Variants in ATE1 observed in about 807,000 individuals in gnomAD.
ATE1 encodes the protein arginyl-tRNA--protein transferase 1.
ATE1 carries 36 observed loss-of-function variants against 70.5 expected under a neutral mutation model. The observed-to-expected ratio is 0.51, with a 90% CI of 0.39 to 0.67. ATE1 has a LOEUF of 0.67. Among genes scored for constraint, ATE1 ranks in the 30% least tolerant of loss-of-function variants. The pLI, the probability that ATE1 is intolerant of heterozygous loss-of-function variation, is 0.00. For synonymous variants in ATE1, 232 were observed against 219.3 expected (o/e 1.06, Z -0.51); for missense variants, 593 against 629.5 (o/e 0.94, Z 0.62).
intron 11 of ATE1, among the ~76,000 whole-genome samples, chr10:121,765,116 G>A (rs1283277460): frequency 1.3e-5 from 2 of 152,136 alleles, no homozygotes; most frequent in African/African-American, 2.4e-5. Flanking sequence ...AGAACAGGGA[G>A]GTCGCTGGCA....
intron 5 of ATE1, among the ~76,000 whole-genome samples, 169 bp from the exon 6 acceptor site, chr10:121,902,789 TCTAC>T (rs1466243662): frequency 6.6e-6 from 1 of 152,178 alleles, no homozygotes; most frequent in African/African-American, 2.4e-5. Flanking sequence ...GATCTAAAAT[TCTAC>T]CTTAGAAGTG....
At chr10:121,761,166 C>G (rs1408786405) in intron 11 of ATE1, among the ~76,000 whole-genome samples, 1 of 152,126 alleles carries the variant, frequency 6.6e-6, no homozygotes, top group Non-Finnish European at 1.5e-5. Context: ...TGGGTGGGAG[C>G]AGCTTGAGGC....
chr10:121,925,027 A>C (rs547386723), intron 1 of ATE1, among the ~76,000 whole-genome samples: 16 of 152,228 alleles, frequency 1.1e-4, no homozygotes, highest in Non-Finnish European at 1.6e-4. Context: ...TGTGCTTATT[A>C]GTTCTCCTGA....
chr10:121,893,167 C>T (rs1950639890), intron 7 of ATE1, among the ~76,000 whole-genome samples: 1 of 151,520 alleles, frequency 6.6e-6, no homozygotes, highest in Non-Finnish European at 1.5e-5. Flanking sequence ...GTCCCAGCTA[C>T]TCGGGAGGCT....
At chr10:121,928,079 G>C (rs1250177966), upstream of ATE1, 2 of 1,206,196 alleles carry the variant, frequency 1.7e-6, no homozygotes, top group South Asian at 8.1e-5. Context: ...GGCGCCCGCA[G>C]GCCCGGCCGG....
intron 9 of ATE1, among the ~76,000 whole-genome samples, chr10:121,838,116 G>A (rs1225206163): frequency 6.6e-6 from 1 of 152,096 alleles, no homozygotes; most frequent in Non-Finnish European, 1.5e-5. Flanking sequence ...GCCCTTGGAT[G>A]ACTGCAGCAG....
intron 11 of ATE1, among the ~76,000 whole-genome samples, chr10:121,748,722 T>A (rs967881597): frequency 1.3e-5 from 2 of 152,110 alleles, no homozygotes; most frequent in Non-Finnish European, 2.9e-5. Context: ...AAATCCATAA[T>A]AAAGTATCTT....
chr10:121,807,693 G>A (rs1947152824), intron 10 of ATE1, among the ~76,000 whole-genome samples: 1 of 152,184 alleles, frequency 6.6e-6, no homozygotes, highest in South Asian at 2.1e-4. Context: ...GCAAAAGAGT[G>A]GGTGAGTGGC....
At chr10:121,898,681 A>C (rs1371957148) in intron 7 of ATE1, among the ~76,000 whole-genome samples, 2 of 152,098 alleles carry the variant, frequency 1.3e-5, no homozygotes, top group Non-Finnish European at 2.9e-5. Context: ...CCTTTTTTCT[A>C]AGGATTTAAA....
intron 7 of ATE1, among the ~76,000 whole-genome samples, chr10:121,889,903 A>G (rs755682314): frequency 1.3e-5 from 2 of 152,210 alleles, no homozygotes; most frequent in Non-Finnish European, 2.9e-5. Flanking sequence ...GTTTTTAAAG[A>G]GTAAATATTG....
chr10:121,822,664 T>A (rs10886992), intron 10 of ATE1, among the ~76,000 whole-genome samples: 2 of 152,060 alleles, frequency 1.3e-5, no homozygotes, highest in African/African-American at 4.8e-5. Flanking sequence ...TCGTACCACA[T>A]CTTCCGTGCA....
At chr10:121,788,592 C>T (rs763172026) in intron 11 of ATE1, among the ~76,000 whole-genome samples, 1 of 152,196 alleles carries the variant, frequency 6.6e-6, no homozygotes, top group Non-Finnish European at 1.5e-5. Context: ...GAAGTTACTG[C>T]GTCCCTTTCC....
At chr10:121,744,574 A>G (rs190670625) in intron 11 of ATE1, among the ~76,000 whole-genome samples, 1 of 152,298 alleles carries the variant, frequency 6.6e-6, no homozygotes, top group Non-Finnish European at 1.5e-5. Flanking sequence ...TAATCTCTGC[A>G]CTGAAGCTTT....
intron 10 of ATE1, among the ~76,000 whole-genome samples, chr10:121,790,966 G>GTA (rs1554893207): frequency 6.6e-6 from 1 of 150,502 alleles, no homozygotes; most frequent in Non-Finnish European, 1.5e-5. Context: ...ATATATATGT[G>GTA]TGTGTACATA....
At position 121,916,007 on chromosome 10, in the gene ATE1, C is replaced by T. The variant is rs533477516; in HGVS notation, c.234-2114G>A. Among the ~76,000 whole-genome samples, 13 of 151,770 alleles carry T rather than the reference C, an allele frequency of 8.6e-5. 1 individual carries two copies. The highest frequency in any genetic ancestry group is 3.1e-4 in the African/African-American group (13 of 41,376). ...ATATCAGCACTTTGGGAGGCCGAGGCGGGCAGATCACAAGGTCAGGAGATG... is the reference window on the plus strand; with the variant it reads ...ATATCAGCACTTTGGGAGGCCGAGGTGGGCAGATCACAAGGTCAGGAGATG... On this transcript the variant is annotated intron_variant, in intron 3 of 11. Transcript: ENST00000224652.
At chr10:121,873,247 T>G (rs1325518712) in intron 7 of ATE1, among the ~76,000 whole-genome samples, 1 of 152,184 alleles carries the variant, frequency 6.6e-6, no homozygotes, top group East Asian at 1.9e-4. Context: ...TCTTGAATTT[T>G]TTTTAAAAAA....
At chr10:121,759,995 A>G (rs116960045) in intron 11 of ATE1, among the ~76,000 whole-genome samples, 924 of 152,324 alleles carry the variant, frequency 6.1e-3, no homozygotes, top group South Asian at 0.016. Context: ...TTATAAATGG[A>G]ACAACAAAGC....
chr10:121,762,900 G>A (rs942162349), intron 11 of ATE1, among the ~76,000 whole-genome samples: 5 of 152,134 alleles, frequency 3.3e-5, no homozygotes, highest in African/African-American at 1.2e-4. Flanking sequence ...CTTAACTCTT[G>A]TTTATATCAA....
chr10:121,832,542 T>C (rs779908919), intron 10 of ATE1, among the ~76,000 whole-genome samples: 7 of 152,188 alleles, frequency 4.6e-5, no homozygotes, highest in Non-Finnish European at 8.8e-5. Context: ...GTTCCCCCCA[T>C]AATGTTATCA....
Sources: allele counts gnomAD v4.1 joint callset (sites outside exome capture counted in the v4.1 genomes callset), GRCh38; gene constraint gnomAD v4.1.1; transcripts MANE v1.5; gene names NCBI Gene and HGNC (gene_info 2026-07-23, HGNC 2026-07-21).